SPAG9: variants seen among roughly 807,000 people sequenced by gnomAD.
SPAG9 encodes C-Jun-amino-terminal kinase-interacting protein 4.
SPAG9 carries 35 observed loss-of-function variants against 166.5 expected under a neutral mutation model. The ratio of observed to expected loss-of-function variants is 0.21; its 90% CI spans 0.16 to 0.28. The LOEUF (loss-of-function observed/expected upper bound fraction) is 0.28. Among genes scored for constraint, SPAG9 ranks in the 10% least tolerant of loss-of-function variants. SPAG9 has a pLI of 1.00. For missense variants in SPAG9, 1,235 were observed against 1,603.3 expected (o/e 0.77, Z 3.92); for synonymous variants, 534 against 565.5 (o/e 0.94, Z 0.79).
At chr17:51,043,759 A>T (rs2046926167) in intron 4 of SPAG9, among the ~76,000 whole-genome samples, 1 of 152,252 alleles carries the variant, frequency 6.6e-6, no homozygotes, top group South Asian at 2.1e-4. Context: ...AAAGACAACC[A>T]GGAAGATGAT....
At chr17:51,074,060 C>A (rs1175015393) in intron 2 of SPAG9, among the ~76,000 whole-genome samples, 1 of 152,084 alleles carries the variant, frequency 6.6e-6, no homozygotes, top group African/African-American at 2.4e-5. Context: ...CACGGTGAAA[C>A]CCCGTCTCTA....
chr17:51,076,938 C>T lies in SPAG9; in HGVS notation c.424+2646G>A, dbSNP rs147446969. Among the ~76,000 whole-genome samples, 1,352 of 152,044 alleles carry T rather than the reference C, an allele frequency of 8.9e-3. 26 individuals are homozygous for T. The highest frequency in any genetic ancestry group is 0.031 in the African/African-American group (1,273 of 41,464). Reference sequence around the variant, plus strand: ...CACTTTGAAGCCCAGAAGTGCGAGACCAGCCTGGGCAACATAATGAGATCT... The same window carrying T: ...CACTTTGAAGCCCAGAAGTGCGAGATCAGCCTGGGCAACATAATGAGATCT... On this transcript the variant is annotated intron_variant, in intron 2 of 29. Coordinates refer to ENST00000262013, the MANE Select transcript of SPAG9 (RefSeq NM_001130528.3).
At chr17:50,995,306 A>G in intron 17 of SPAG9, 82 bp from the exon 18 acceptor site, 1 of 1,363,398 alleles carries the variant, frequency 7.3e-7, no homozygotes, top group Non-Finnish European at 1.0e-6. Context: ...TAATGGTTGT[A>G]AATACAGGTC....
intron 3 of SPAG9, among the ~76,000 whole-genome samples, chr17:51,051,988 C>T (rs755247310): frequency 3.6e-4 from 55 of 152,156 alleles, no homozygotes; most frequent in Admixed American, 2.7e-3. Context: ...CTTTATATTT[C>T]TTCCACTGCC....
At chr17:51,111,593 A>ATT (rs140370555) in intron 1 of SPAG9, among the ~76,000 whole-genome samples, 33 of 151,048 alleles carry the variant, frequency 2.2e-4, no homozygotes, top group Non-Finnish European at 4.1e-4. Context: ...CTCTTTTGTG[A>ATT]TTTTTTTTTG....
At chr17:51,070,495 T>C (rs1429493927) in intron 2 of SPAG9, among the ~76,000 whole-genome samples, 2 of 152,180 alleles carry the variant, frequency 1.3e-5, no homozygotes, top group South Asian at 2.1e-4. Context: ...AAGGGAAAAC[T>C]TGTAGATGTA....
At chr17:51,094,929 G>C (rs1314128366) in intron 1 of SPAG9, among the ~76,000 whole-genome samples, 1 of 152,172 alleles carries the variant, frequency 6.6e-6, no homozygotes, top group East Asian at 1.9e-4. Context: ...AATTCACAGA[G>C]AAGTAGAATC....
intron 7 of SPAG9, among the ~76,000 whole-genome samples, chr17:51,020,689 G>A (rs2045906163): frequency 1.3e-5 from 2 of 152,124 alleles, no homozygotes; most frequent in South Asian, 4.1e-4. Flanking sequence ...CCTCTTTTAA[G>A]CTTATTTACA....
chr17:51,070,992 C>T (rs7224682), intron 2 of SPAG9, among the ~76,000 whole-genome samples: 10,718 of 151,990 alleles, frequency 0.071, 402 homozygotes, highest in Non-Finnish European at 0.089. Flanking sequence ...ATTAAATATA[C>T]ATCCTAACCA....
chr17:51,120,290 GCGACCCCGCCC>G lies in SPAG9; in HGVS notation c.303+53_303+63del. 1 of 1,222,002 alleles carries G rather than the reference GCGACCCCGCCC, an allele frequency of 8.2e-7. No homozygotes were observed. The highest frequency in any genetic ancestry group is 1.0e-6 in the Non-Finnish European group (1 of 977,986). The allele number at this position is 1,222,002 out of a possible 1,614,324, so 75.7% of individuals were successfully genotyped here. A position where few individuals can be genotyped will look rare whatever the true frequency, so the allele number is the denominator to read the frequency against. ...CGCGCCTCTAGTCCCCGACCGGGCC[GCGACCCCGCCC>G]CGGCCGCCCCCGGAGACGGATCCCG... On this transcript the variant is annotated intron_variant, in intron 1 of 29. Coordinates refer to ENST00000262013, the MANE Select transcript of SPAG9 (RefSeq NM_001130528.3). This position sits in a 1 kb window ranked among gnomAD's most constrained non-coding sequence, Gnocchi z 4.7.
At chr17:51,067,845 T>C (rs1390772243) in intron 2 of SPAG9, among the ~76,000 whole-genome samples, 5 of 152,206 alleles carry the variant, frequency 3.3e-5, no homozygotes, top group Admixed American at 3.3e-4. Flanking sequence ...TTTTGAGCGC[T>C]CTTTCTATCC....
At chr17:51,079,254 G>T (rs1388117353) in intron 2 of SPAG9, among the ~76,000 whole-genome samples, 4 of 151,070 alleles carry the variant, frequency 2.6e-5, no homozygotes, top group Admixed American at 1.3e-4. Context: ...TCTGGGGGGT[G>T]GGGGGACACA....
chr17:51,007,442 AATTTT>A, intron 9 of SPAG9, 116 bp from the exon 10 acceptor site: 4 of 466,992 alleles, frequency 8.6e-6, no homozygotes, highest in Non-Finnish European at 1.1e-5. Flanking sequence ...GTCCTTTATT[AATTTT>A]ATTTTGTCTA....
chr17:50,992,417 T>A (rs1975660607), intron 19 of SPAG9, among the ~76,000 whole-genome samples: 1 of 152,152 alleles, frequency 6.6e-6, no homozygotes, highest in Non-Finnish European at 1.5e-5. Flanking sequence ...GGGCTGGGCA[T>A]CCCAATACTT....
chr17:51,012,702 T>A (rs1035150322), intron 9 of SPAG9, among the ~76,000 whole-genome samples: 3 of 151,788 alleles, frequency 2.0e-5, no homozygotes, highest in Non-Finnish European at 4.4e-5. Context: ...TAAAATACTT[T>A]CAATCTCTCT....
chr17:50,966,156 G>T lies in SPAG9; in HGVS notation c.*116C>A. The T allele has an allele frequency of 1.4e-6, 1 of 724,770 alleles. No homozygotes were observed. 44.9% of individuals were successfully genotyped at this position (724,770 alleles called of 1,614,324 possible). A position where few individuals can be genotyped will look rare whatever the true frequency, so the allele number is the denominator to read the frequency against. On this transcript the variant is annotated 3_prime_UTR_variant, in exon 30 of 30. Transcript: ENST00000262013. ...TAATATAAAGTTAACAGGAAAAAAT[G>T]CTCACACATTATGTGGTGAAACTTA...
At chr17:51,036,879 T>C (rs1166677434) in intron 5 of SPAG9, among the ~76,000 whole-genome samples, 1 of 152,198 alleles carries the variant, frequency 6.6e-6, no homozygotes, top group Non-Finnish European at 1.5e-5. Context: ...AAAGGGAAGA[T>C]GAAGCAATAC....
intron 14 of SPAG9, among the ~76,000 whole-genome samples, chr17:50,999,078 CATTTT>C (rs1199281751): frequency 6.6e-6 from 1 of 152,166 alleles, no homozygotes; most frequent in Admixed American, 6.5e-5. Context: ...TGTTAACACA[CATTTT>C]ATACATTTTC....
intron 9 of SPAG9, among the ~76,000 whole-genome samples, chr17:51,012,514 G>T (rs1274264148): frequency 6.6e-6 from 1 of 151,294 alleles, no homozygotes; most frequent in Admixed American, 6.6e-5. Context: ...AGGTTGTGGT[G>T]AGCCAAGATC....
Sources: gnomAD v4.1 joint callset for allele counts (sites outside exome capture counted in the v4.1 genomes callset) on GRCh38, gnomAD v4.1.1 for gene constraint, Gnocchi (gnomAD v3.1) non-coding constraint, MANE v1.5 for transcripts, NCBI Gene and HGNC (gene_info 2026-07-23, HGNC 2026-07-21) for gene names.